The following BMX variants were observed in gnomAD, a reference collection of about 807,000 sequenced individuals.
The protein encoded by BMX is cytoplasmic tyrosine-protein kinase BMX.
Under a neutral mutation model 59.2 loss-of-function variants are expected in BMX, and 31 were observed. The observed-to-expected ratio is 0.52, with a 90% confidence interval of 0.39 to 0.71. The LOEUF (loss-of-function observed/expected upper bound fraction) is 0.71. Ranked by LOEUF, BMX falls within the 30% of genes least tolerant of loss-of-function variation. BMX has a pLI of 0.00. For missense variants in BMX, 474 were observed against 491.7 expected, an observed-to-expected ratio of 0.96 and a Z score of 0.34; for synonymous variants, 185 against 181.0, an observed-to-expected ratio of 1.02 and a Z score of -0.18.
chrX:15,515,728 C>T (rs768532896), intron 4 of BMX, among the ~76,000 whole-genome samples: 39 of 110,872 alleles, frequency 3.5e-4, no homozygotes, highest in Non-Finnish European at 1.3e-4. Context: ...TTTTTTAGAA[C>T]CTTTTGCTAA....
At chrX:15,551,805 G>C (rs916094147) in intron 18 of BMX, among the ~76,000 whole-genome samples, 2 of 110,950 alleles carry the variant, frequency 1.8e-5, no homozygotes, top group African/African-American at 6.6e-5. Flanking sequence ...TACCCCAAAT[G>C]TTGACTATGG....
chrX:15,517,058 C>T (rs776344606), intron 5 of BMX, among the ~76,000 whole-genome samples: 1 of 111,543 alleles, frequency 9.0e-6, no homozygotes, highest in East Asian at 2.8e-4. Flanking sequence ...GATACAGGCA[C>T]ATAAAATATT....
intron 9 of BMX, among the ~76,000 whole-genome samples, chrX:15,527,247 A>AAATATATAT (rs1569224683): frequency 1.8e-5 from 1 of 56,362 alleles, no homozygotes; most frequent in Non-Finnish European, 2.9e-5. Flanking sequence ...CACACACACA[A>AAATATATAT]ATATATATAT....
At chrX:15,538,925 GGTACCTAGAAGGGCACA>G (rs780294727) in intron 14 of BMX, among the ~76,000 whole-genome samples, 2 of 111,463 alleles carry the variant, frequency 1.8e-5, no homozygotes, top group South Asian at 3.8e-4. Flanking sequence ...GTACCTAGAA[GGTACCTAGAAGGGCACA>G]GTACCTAGAA....
At chrX:15,533,764 C>T (rs763189108) in intron 11 of BMX, among the ~76,000 whole-genome samples, 12 of 111,683 alleles carry the variant, frequency 1.1e-4, no homozygotes, top group Admixed American at 7.6e-4. Flanking sequence ...CCAAAAGAGC[C>T]TCCTCCCATG....
chrX:15,520,510 A>T (rs931855197), intron 6 of BMX, among the ~76,000 whole-genome samples: 1 of 111,935 alleles, frequency 8.9e-6, no homozygotes, highest in African/African-American at 3.3e-5. Flanking sequence ...AAAAAGGATG[A>T]ACTACCAATA....
intron 16 of BMX, among the ~76,000 whole-genome samples, chrX:15,543,672 G>A (rs1028045308): frequency 5.4e-5 from 6 of 110,247 alleles, no homozygotes; most frequent in African/African-American, 2.0e-4. Flanking sequence ...TGTTCAAATG[G>A]GTAGAGCATT....
rs781716163 is a variant in BMX, at chrX:15,522,033, T to C, written c.511-313T>C. On this transcript the variant is annotated intron_variant, in intron 6 of 18. Coordinates refer to ENST00000348343, the MANE Select transcript of BMX (RefSeq NM_203281.3). Reference sequence around the variant, plus strand: ...TTTTGGTTTCCCTGTTGTGTATATATACGTAAAATTTATGAGTCATAGGGT... The same window carrying C: ...TTTTGGTTTCCCTGTTGTGTATATACACGTAAAATTTATGAGTCATAGGGT... Among the ~76,000 whole-genome samples the C allele has an allele frequency of 4.5e-5, 5 of 111,611 alleles. No individual in the cohort carries two copies. In the South Asian group the frequency reaches 1.9e-3, roughly 42 times the overall value.
intron 16 of BMX, among the ~76,000 whole-genome samples, chrX:15,545,053 C>A (rs891141500): frequency 3.6e-5 from 4 of 111,100 alleles, no homozygotes; most frequent in Non-Finnish European, 7.5e-5. Flanking sequence ...ATGATGTTCT[C>A]TTTTATTAAT....
At chrX:15,540,951 G>A (rs1417062999) in intron 14 of BMX, among the ~76,000 whole-genome samples, 3 of 110,322 alleles carry the variant, frequency 2.7e-5, no homozygotes, top group African/African-American at 9.9e-5. Flanking sequence ...GCAGCAGTTC[G>A]GGAGCCTGTC....
intron 9 of BMX, among the ~76,000 whole-genome samples, chrX:15,527,271 TATATATATATATAC>T (rs1392476163): frequency 5.4e-5 from 2 of 36,771 alleles, no homozygotes; most frequent in African/African-American, 2.2e-4. Flanking sequence ...TATATATATA[TATATATATATATAC>T]ACACACACAC....
In BMX at chrX:15,522,522, C is replaced by T. The variant is rs375433794; in HGVS notation, c.687C>T (p.Asn229=). Residue 229 remains asparagine, a synonymous_variant, in exon 7 of 19, where the codon AAC becomes AAT. Transcript: ENST00000348343. ...NSKKIYGSQP[N]FNMQYIPRED... ...AGAAAATCTATGGCTCCCAGCCAAA[C>T]TTCAACATGCAGTATATTCCAAGGG... 5.8e-6 allele frequency: 7 copies of T among 1,210,778 alleles called. No homozygotes were observed. The highest frequency in any genetic ancestry group is 1.7e-5 in the African/African-American group (1 of 57,442).
chrX:15,545,530 A>G (rs1243605623), intron 16 of BMX, among the ~76,000 whole-genome samples: 1 of 111,704 alleles, frequency 9.0e-6, no homozygotes, highest in Non-Finnish European at 1.9e-5. Flanking sequence ...TTTTTCTTTT[A>G]CCAGTCGAGT....
chrX:15,511,808 G>A (rs188248881), intron 4 of BMX, among the ~76,000 whole-genome samples: 31 of 111,921 alleles, frequency 2.8e-4, no homozygotes, highest in Non-Finnish European at 5.1e-4. Context: ...TCTCCACTCA[G>A]TATGCTTGCC....
chrX:15,545,596 G>T (rs1247450112), intron 16 of BMX, among the ~76,000 whole-genome samples: 1 of 111,666 alleles, frequency 9.0e-6, no homozygotes, highest in Non-Finnish European at 1.9e-5. Flanking sequence ...CTCTTATTGC[G>T]CATGTTTGAC....
chrX:15,506,292 T>A (rs1923740079), intron 1 of BMX, among the ~76,000 whole-genome samples: 1 of 112,101 alleles, frequency 8.9e-6, no homozygotes, highest in Non-Finnish European at 1.9e-5. Context: ...GATTTTTACA[T>A]TTTTAATACA....
chrX:15,519,537 G>A (rs1370473082), intron 6 of BMX, among the ~76,000 whole-genome samples: 1 of 111,638 alleles, frequency 9.0e-6, no homozygotes, highest in Non-Finnish European at 1.9e-5. Flanking sequence ...AGAGGAGAAG[G>A]CCATGTGAAG....
intron 9 of BMX, among the ~76,000 whole-genome samples, chrX:15,526,438 G>A (rs775847994): frequency 8.9e-6 from 1 of 112,011 alleles, no homozygotes; most frequent in Admixed American, 9.5e-5. Flanking sequence ...TCTAATTAAG[G>A]TGATGTTTGA....
chrX:15,547,992 T>TTTATTTCTCTAA (rs2147142744), intron 17 of BMX, among the ~76,000 whole-genome samples: 1 of 111,798 alleles, frequency 8.9e-6, no homozygotes, highest in East Asian at 2.8e-4. Flanking sequence ...TATTTCTCTA[T>TTTATTTCTCTAA]GTGACACAAT....
Sources: gnomAD v4.1 joint callset for allele counts (sites outside exome capture counted in the v4.1 genomes callset) on GRCh38, gnomAD v4.1.1 for gene constraint, MANE v1.5 for transcripts, NCBI Gene and HGNC (gene_info 2026-07-23, HGNC 2026-07-21) for gene names.